The following RANBP2 variants were observed in gnomAD, a reference collection of about 807,000 sequenced individuals.
RANBP2 encodes E3 SUMO-protein ligase RanBP2.
Under a neutral mutation model 303.6 loss-of-function variants are expected in RANBP2, and 57 were observed. The ratio of observed to expected loss-of-function variants is 0.19; its 90% CI spans 0.15 to 0.23. RANBP2 has a LOEUF of 0.23. RANBP2 is among the 10% of genes least tolerant of loss of function. The pLI is 1.00. For synonymous variants in RANBP2, 1,167 were observed against 1,301.5 expected (o/e 0.90, Z 2.23); for missense variants, 3,138 against 3,780.8 (o/e 0.83, Z 4.46).
chr2:109,043,414 C>T, the RANBP2 span, among the ~76,000 whole-genome samples: 1 of 152,044 alleles, frequency 6.6e-6, no homozygotes, highest in Non-Finnish European at 1.5e-5. Context: ...GCCATCTCAG[C>T]TCACTGCAAC....
the RANBP2 span, chr2:108,885,091 C>CT: frequency 6.6e-6 from 1 of 152,192 alleles, no homozygotes; most frequent in South Asian, 2.1e-4. Context: ...TAATCAGTGT[C>CT]TTTTTTCCAG....
At chr2:109,764,757 G>A in the RANBP2 span, among the ~76,000 whole-genome samples, 1 of 114,638 alleles carries the variant, frequency 8.7e-6, no homozygotes, top group Non-Finnish European at 1.7e-5. Flanking sequence ...TGAGAGTACA[G>A]GGAGACATCT....
the RANBP2 span, chr2:109,585,375 A>G: frequency 1.1e-5 from 15 of 1,409,526 alleles, no homozygotes; most frequent in Non-Finnish European, 1.5e-5. Context: ...GAAAAGAAAT[A>G]CAACTGTAAA....
At chr2:109,615,518 C>T in the RANBP2 span, 2 of 1,613,890 alleles carry the variant, frequency 1.2e-6, no homozygotes, top group Middle Eastern at 1.6e-4. Context: ...GGGGTTACAC[C>T]GCCCTGCACT....
In RANBP2 at chr2:108,777,221, T is replaced by C. The variant is rs1573846232; in HGVS notation, c.8589T>C (p.Phe2863=). ...LASSNSGDFA[F]GSKDKNFQWA... ...CCAGTAATTCTGGAGATTTTGCTTT[T>C]GGTTCTAAAGGTAAGATCAAGAGGA... The change falls in exon 25 of 29, where the codon TTT becomes TTC. Residue 2863 remains phenylalanine (F), a synonymous_variant. Transcript: ENST00000283195. 6.2e-7 allele frequency: 1 copy of C among 1,613,462 alleles called. No individual in the cohort carries two copies. The highest frequency in any genetic ancestry group is 8.5e-7 in the Non-Finnish European group (1 of 1,179,484).
At chr2:109,705,373 T>A in the RANBP2 span, among the ~76,000 whole-genome samples, 1 of 152,116 alleles carries the variant, frequency 6.6e-6, no homozygotes. Context: ...ACCATTGCAC[T>A]CCAGCCTGGG....
At chr2:109,723,842 C>T in the RANBP2 span, among the ~76,000 whole-genome samples, 2 of 152,172 alleles carry the variant, frequency 1.3e-5, no homozygotes, top group African/African-American at 4.8e-5. Context: ...AATCTTTGCC[C>T]ATGCCTATGC....
the RANBP2 span, among the ~76,000 whole-genome samples, chr2:109,576,365 C>T: frequency 6.6e-5 from 10 of 152,006 alleles, no homozygotes; most frequent in African/African-American, 2.4e-4. Context: ...TCCCAAAGCG[C>T]TGGGATGACA....
the RANBP2 span, among the ~76,000 whole-genome samples, chr2:109,634,998 A>G: frequency 1.3e-5 from 2 of 152,194 alleles, no homozygotes; most frequent in African/African-American, 4.8e-5. Context: ...GATAAGACAC[A>G]TTCATGGAGA....
the RANBP2 span, among the ~76,000 whole-genome samples, chr2:109,295,445 A>G: frequency 6.6e-6 from 1 of 152,232 alleles, no homozygotes; most frequent in Non-Finnish European, 1.5e-5. Flanking sequence ...GCCGAGGGGC[A>G]CGCAGGGCAG....
At chr2:109,794,612 G>GCCCC in the RANBP2 span, 1 of 744,420 alleles carries the variant, frequency 1.3e-6, no homozygotes, top group African/African-American at 2.2e-5. Flanking sequence ...CGGCGGCGGG[G>GCCCC]GGGGCGGCGG....
At chr2:109,274,898 A>G in the RANBP2 span, among the ~76,000 whole-genome samples, 1 of 150,910 alleles carries the variant, frequency 6.6e-6, no homozygotes, top group East Asian at 1.9e-4. Context: ...AGATAGAGGT[A>G]GTGGCTGCAC....
the RANBP2 span, among the ~76,000 whole-genome samples, chr2:109,663,967 C>G: frequency 1.3e-5 from 2 of 152,220 alleles, no homozygotes; most frequent in Non-Finnish European, 2.9e-5. Context: ...GCTTCAGACA[C>G]ATGGACTCAG....
the RANBP2 span, among the ~76,000 whole-genome samples, chr2:109,683,249 G>A: frequency 1.3e-5 from 2 of 152,076 alleles, no homozygotes; most frequent in East Asian, 1.9e-4. Context: ...CAGGTGGTCC[G>A]CCTGCCTCGG....
intron 6 of RANBP2, among the ~76,000 whole-genome samples, chr2:108,738,116 C>T (rs1695765029): frequency 6.6e-6 from 1 of 151,572 alleles, no homozygotes; most frequent in Non-Finnish European, 1.5e-5. Flanking sequence ...CGCTCTGTCG[C>T]CCAGGCTGGA....
the RANBP2 span, among the ~76,000 whole-genome samples, chr2:109,156,203 C>T: frequency 6.6e-6 from 1 of 152,330 alleles, no homozygotes; most frequent in Non-Finnish European, 1.5e-5. Flanking sequence ...AATTAGCACT[C>T]GGTGTTGAGT....
the RANBP2 span, among the ~76,000 whole-genome samples, chr2:108,972,349 A>C: frequency 6.6e-6 from 1 of 152,238 alleles, no homozygotes; most frequent in Non-Finnish European, 1.5e-5. Flanking sequence ...ATGATGACCA[A>C]ATCAAAACAG....
At chr2:108,986,396 T>C in the RANBP2 span, among the ~76,000 whole-genome samples, 1 of 152,114 alleles carries the variant, frequency 6.6e-6, no homozygotes, top group Non-Finnish European at 1.5e-5. Flanking sequence ...GAGTGTTTGC[T>C]TACTCCACTC....
At chr2:109,545,884 A>G in the RANBP2 span, 574 of 1,449,756 alleles carry the variant, frequency 4.0e-4, no homozygotes, top group Non-Finnish European at 4.7e-4. Context: ...CTGGGGAAAC[A>G]GCAGTGAACA....
Sources: allele counts gnomAD v4.1 joint callset (sites outside exome capture counted in the v4.1 genomes callset), GRCh38; gene constraint gnomAD v4.1.1; transcripts MANE v1.5; gene names NCBI Gene and HGNC (gene_info 2026-07-23, HGNC 2026-07-21).